Variants in KLHL1 observed in about 807,000 individuals in gnomAD.
KLHL1 encodes the protein kelch like family member 1.
KLHL1 carries 47 observed loss-of-function variants against 77.7 expected under a neutral mutation model. That is an observed-to-expected ratio of 0.60 (90% CI 0.48 to 0.77). The LOEUF (loss-of-function observed/expected upper bound fraction) is 0.77, where lower values mean the gene tolerates loss of function less well. Ranked by LOEUF, KLHL1 falls within the 30% of genes least tolerant of loss-of-function variation. KLHL1 has a pLI of 0.00. For missense variants in KLHL1, 925 were observed against 910.8 expected, an observed-to-expected ratio of 1.02 and a Z score of -0.20; for synonymous variants, 360 against 325.2, an observed-to-expected ratio of 1.11 and a Z score of -1.15.
At chr13:69,865,273 T>C (rs1235981103) in intron 5 of KLHL1, among the ~76,000 whole-genome samples, 2 of 152,018 alleles carry the variant, frequency 1.3e-5, no homozygotes, top group African/African-American at 4.8e-5. Flanking sequence ...AGGTGTTAAT[T>C]AAGTGTATGC....
chr13:69,984,194 G>C (rs1884801544), intron 1 of KLHL1, among the ~76,000 whole-genome samples: 1 of 152,106 alleles, frequency 6.6e-6, no homozygotes, highest in African/African-American at 2.4e-5. Context: ...TATTTAGGCA[G>C]ATAGTGAGGG....
intron 6 of KLHL1, among the ~76,000 whole-genome samples, chr13:69,838,475 A>G (rs7339006): frequency 0.081 from 12,256 of 151,848 alleles, 922 homozygotes; most frequent in African/African-American, 0.2. Context: ...TTAAACAAAT[A>G]ATTTATTTTC....
intron 9 of KLHL1, among the ~76,000 whole-genome samples, chr13:69,715,518 ATTAT>A (rs201819769): frequency 0.48 from 34,277 of 70,992 alleles, 3,888 homozygotes; most frequent in East Asian, 0.58. Context: ...AGGCAGTTTT[ATTAT>A]TTATTTTTTT....
At position 70,053,774 on chromosome 13, in the gene KLHL1, C is replaced by CT. The variant is rs1299707973; in HGVS notation, c.497+53428dup. ...AAAATGACCAGACTAATTGCCTACA[C>CT]TTGTTTATGCTTTCCTTCCAAGCTA... On this transcript the variant is annotated intron_variant, in intron 1 of 10. Coordinates refer to ENST00000377844, the MANE Select transcript of KLHL1 (RefSeq NM_020866.3). 2.0e-5 allele frequency among the ~76,000 whole-genome samples: 3 copies of CT among 152,062 alleles called. No homozygotes were observed. In the East Asian group the frequency reaches 5.8e-4, roughly 29 times the overall value.
chr13:70,068,947 C>T (rs1201405996), intron 1 of KLHL1, among the ~76,000 whole-genome samples: 1 of 152,100 alleles, frequency 6.6e-6, no homozygotes, highest in Non-Finnish European at 1.5e-5. Flanking sequence ...CTTCTTGCTT[C>T]TGGCAGAGAA....
At chr13:69,987,055 T>C (rs909695020) in intron 1 of KLHL1, among the ~76,000 whole-genome samples, 7 of 151,942 alleles carry the variant, frequency 4.6e-5, no homozygotes, top group East Asian at 1.9e-4. Context: ...ACCAAACTAT[T>C]TGAAATTATC....
rs146899680 is a variant in KLHL1 at position 69,973,857 on chromosome 13, G to A, written c.680+1763C>T. ...AAAAATTTAATTGGGAGGTCATTAG[G>A]CTGAGACATCTCCAGGTTTTTGCCA... On this transcript the variant is annotated intron_variant, in intron 2 of 10. Transcript: ENST00000377844. Among the ~76,000 whole-genome samples the A allele has an allele frequency of 1.8e-3, 267 of 152,102 alleles. 2 individuals are homozygous for A. Among genetic ancestry groups the A allele is most frequent in the African/African-American group, 6.3e-3 (260 of 41,528 alleles).
chr13:70,026,820 T>C (rs755611181), intron 1 of KLHL1, among the ~76,000 whole-genome samples: 29 of 150,934 alleles, frequency 1.9e-4, no homozygotes, highest in Non-Finnish European at 4.1e-4. Context: ...TGTTAATGGA[T>C]AAAATATAGT....
chr13:70,036,542 A>G (rs1177882352), intron 1 of KLHL1, among the ~76,000 whole-genome samples: 2 of 151,892 alleles, frequency 1.3e-5, no homozygotes, highest in Admixed American at 1.3e-4. Flanking sequence ...TATATATGAA[A>G]TGTTTTATTC....
intron 8 of KLHL1, among the ~76,000 whole-genome samples, chr13:69,733,231 A>T (rs1455502823): frequency 7.8e-6 from 1 of 128,236 alleles, no homozygotes; most frequent in African/African-American, 3.9e-5. Context: ...TATGAAAGAT[A>T]AAAAAAAAAT....
chr13:70,012,659 C>T lies in KLHL1; in HGVS notation c.498-36857G>A, dbSNP rs567349204. Among the ~76,000 whole-genome samples the T allele has an allele frequency of 1.5e-3, 224 of 152,162 alleles. 1 individual carries two copies. Among genetic ancestry groups the T allele is most frequent in the African/African-American group, 4.8e-3 (199 of 41,512 alleles). ...GGCACTGTGGCTCATGCCTGTAATC[C>T]CAGCACTTTGGGAGGCTGAGGCGGG... is the stretch of plus-strand genomic sequence containing the variant. On this transcript the variant is annotated intron_variant, in intron 1 of 10. Coordinates refer to ENST00000377844, the MANE Select transcript of KLHL1 (RefSeq NM_020866.3).
At chr13:69,767,560 A>G (rs892336638) in intron 7 of KLHL1, among the ~76,000 whole-genome samples, 1 of 152,158 alleles carries the variant, frequency 6.6e-6, no homozygotes, top group African/African-American at 2.4e-5. Context: ...AAAACAGTAA[A>G]TATCGGTCTA....
At chr13:70,033,112 T>G (rs1263985431) in intron 1 of KLHL1, among the ~76,000 whole-genome samples, 1 of 152,218 alleles carries the variant, frequency 6.6e-6, no homozygotes, top group Non-Finnish European at 1.5e-5. Context: ...AAATTTCTTC[T>G]GAATGGTTTA....
At chr13:69,875,574 T>C (rs1200759506) in intron 5 of KLHL1, among the ~76,000 whole-genome samples, 2 of 152,102 alleles carry the variant, frequency 1.3e-5, no homozygotes, top group African/African-American at 4.8e-5. Context: ...CCAAAGAGAG[T>C]AACATGTATA....
At chr13:70,025,557 C>T (rs1300288176) in intron 1 of KLHL1, among the ~76,000 whole-genome samples, 1 of 151,454 alleles carries the variant, frequency 6.6e-6, no homozygotes, top group Non-Finnish European at 1.5e-5. Flanking sequence ...AAGTTGTTTC[C>T]CCCAAAGTAT....
intron 5 of KLHL1, among the ~76,000 whole-genome samples, chr13:69,870,761 G>T (rs1331562792): frequency 1.3e-5 from 2 of 151,940 alleles, no homozygotes; most frequent in Admixed American, 6.6e-5. Flanking sequence ...CCAAAATCAA[G>T]CAGGAGAGAC....
chr13:69,976,487 C>CA (rs202112685), intron 1 of KLHL1, among the ~76,000 whole-genome samples: 13 of 151,152 alleles, frequency 8.6e-5, no homozygotes, highest in Admixed American at 3.3e-4. Context: ...TAGACTGTTT[C>CA]AAAAAAAATA....
chr13:69,897,854 A>G (rs1410992741), intron 4 of KLHL1, among the ~76,000 whole-genome samples: 3 of 152,228 alleles, frequency 2.0e-5, no homozygotes, highest in African/African-American at 7.2e-5. Context: ...TGATGAGATC[A>G]TTAACCAGAT....
At chr13:69,933,710 C>T (rs1017722091) in intron 4 of KLHL1, among the ~76,000 whole-genome samples, 7 of 152,076 alleles carry the variant, frequency 4.6e-5, no homozygotes, top group African/African-American at 1.7e-4. Flanking sequence ...TTTAATTAGT[C>T]TTAGTGCCAC....
Sources: gnomAD v4.1 joint callset for allele counts (sites outside exome capture counted in the v4.1 genomes callset) on GRCh38, gnomAD v4.1.1 for gene constraint, MANE v1.5 for transcripts, NCBI Gene and HGNC (gene_info 2026-07-23, HGNC 2026-07-21) for gene names.